CAMKMT: variants seen among roughly 807,000 people sequenced by gnomAD.
CAMKMT encodes the protein CaM KMT.
A neutral mutation model predicts 48.0 loss-of-function variants in CAMKMT; 53 were observed. The ratio of observed to expected loss-of-function variants is 1.10; its 90% CI spans 0.89 to 1.39. The LOEUF (loss-of-function observed/expected upper bound fraction) is 1.39. Ranked by LOEUF, CAMKMT falls within the 40% of genes most tolerant of loss-of-function variation. CAMKMT has a pLI of 0.00. For synonymous variants in CAMKMT, 165 were observed against 152.3 expected (o/e 1.08, Z -0.61); for missense variants, 428 against 402.7 (o/e 1.06, Z -0.54).
intron 3 of CAMKMT, chr2:44,550,530 G>A (rs952508726): frequency 2.0e-5 from 3 of 152,056 alleles, no homozygotes; most frequent in African/African-American, 7.2e-5. Flanking sequence ...TACTAGTATA[G>A]AATTAAATGT....
intron 3 of CAMKMT, among the ~76,000 whole-genome samples, chr2:44,606,810 C>CCG (rs938624383): frequency 7.1e-6 from 1 of 139,892 alleles, no homozygotes; most frequent in East Asian, 2.1e-4. Context: ...TTAATGTGAC[C>CCG]CCCCCCCCAC....
intron 4 of CAMKMT, 88 bp downstream of exon 4, chr2:44,704,431 T>A: frequency 2.3e-6 from 2 of 868,790 alleles, no homozygotes; most frequent in Non-Finnish European, 3.4e-6. Context: ...TTCTTCAAAT[T>A]AAATTGTTAG....
chr2:44,578,439 T>C (rs2103764463), intron 3 of CAMKMT, among the ~76,000 whole-genome samples: 1 of 152,280 alleles, frequency 6.6e-6, no homozygotes, highest in Non-Finnish European at 1.5e-5. Flanking sequence ...AGAAAAACCC[T>C]TATTTGAGTG....
intron 3 of CAMKMT, among the ~76,000 whole-genome samples, chr2:44,477,030 A>G (rs1280571708): frequency 6.6e-6 from 1 of 152,178 alleles, no homozygotes; most frequent in African/African-American, 2.4e-5. Context: ...CATCATTACT[A>G]TGAGGATATA....
chr2:44,464,958 C>G (rs2104630742), intron 3 of CAMKMT, among the ~76,000 whole-genome samples: 1 of 152,158 alleles, frequency 6.6e-6, no homozygotes, highest in East Asian at 1.9e-4. Context: ...TTATGAAGTG[C>G]ATAAATCACT....
intron 3 of CAMKMT, among the ~76,000 whole-genome samples, chr2:44,424,491 A>G (rs947832691): frequency 5.3e-5 from 8 of 152,184 alleles, no homozygotes; most frequent in African/African-American, 1.9e-4. Context: ...AGGTTTCACA[A>G]TGTTTCCTCA....
chr2:44,565,229 T>G (rs1276260291), intron 3 of CAMKMT, among the ~76,000 whole-genome samples: 1 of 152,138 alleles, frequency 6.6e-6, no homozygotes, highest in Non-Finnish European at 1.5e-5. Flanking sequence ...TCCATATACA[T>G]TTGATCTATA....
chr2:44,425,979 C>T (rs1329984314), intron 3 of CAMKMT, among the ~76,000 whole-genome samples: 1 of 152,180 alleles, frequency 6.6e-6, no homozygotes, highest in Non-Finnish European at 1.5e-5. Flanking sequence ...GATCCACCCG[C>T]CTTGGCCTCC....
intron 3 of CAMKMT, among the ~76,000 whole-genome samples, chr2:44,471,838 G>A (rs982543558): frequency 6.6e-6 from 1 of 151,730 alleles, no homozygotes; most frequent in Admixed American, 6.6e-5. Context: ...GCACCACCAC[G>A]CCTGGGTAAT....
chr2:44,744,983 A>C (rs71422108), intron 8 of CAMKMT, among the ~76,000 whole-genome samples: 29 of 152,140 alleles, frequency 1.9e-4, no homozygotes, highest in Non-Finnish European at 3.8e-4. Flanking sequence ...CATCTAATCA[A>C]AAATAAGGAG....
At chr2:44,692,853 C>G (rs1167604569) in intron 3 of CAMKMT, among the ~76,000 whole-genome samples, 1 of 152,102 alleles carries the variant, frequency 6.6e-6, no homozygotes, top group East Asian at 1.9e-4. Context: ...AGTGGCAGAG[C>G]CAGAATCAGA....
intron 3 of CAMKMT, among the ~76,000 whole-genome samples, chr2:44,595,451 C>A (rs936476222): frequency 4.6e-5 from 7 of 152,116 alleles, no homozygotes; most frequent in Non-Finnish European, 1.0e-4. Context: ...CTTATAAGGA[C>A]CTCTTCAAGG....
rs141017634 is a variant in CAMKMT at position 44,384,500 on chromosome 2, C to CTT, written c.312-5722_312-5721dup. 7.3e-3 allele frequency among the ~76,000 whole-genome samples: 700 copies of CTT among 95,790 alleles called. 6 individuals are homozygous for CTT. The highest frequency in any genetic ancestry group is 0.022 in the African/African-American group (641 of 29,500). The allele number at this position is 95,790 out of a possible 152,430, so 62.8% of individuals were successfully genotyped here. A position where few individuals can be genotyped will look rare whatever the true frequency, so the allele number is the denominator to read the frequency against. ...GTTTAATTAGATCTCAGCTATTTATCTTTTTTTTTTTTTTTTTTTTGCATT... is the reference window on the plus strand; with the variant it reads ...GTTTAATTAGATCTCAGCTATTTATCTTTTTTTTTTTTTTTTTTTTTTGCATT... On this transcript the variant is annotated intron_variant, in intron 2 of 10. Transcript: ENST00000378494.
intron 3 of CAMKMT, among the ~76,000 whole-genome samples, chr2:44,547,250 G>C (rs1667458705): frequency 6.6e-6 from 1 of 152,190 alleles, no homozygotes; most frequent in African/African-American, 2.4e-5. Flanking sequence ...TTGGAAATAA[G>C]CTCAGCAGAA....
intron 1 of CAMKMT, among the ~76,000 whole-genome samples, chr2:44,368,180 G>GA (rs1048627671): frequency 1.4e-4 from 21 of 152,192 alleles, no homozygotes; most frequent in African/African-American, 5.1e-4. Flanking sequence ...AGGAGAATGA[G>GA]AAAATGCCTT....
rs866390271 is a variant in CAMKMT, at chr2:44,587,692, G to T, written c.377-116591G>T. ...GACGGGGTTTTGCTGTGTTGGCCGGGCTGGTCTCAGCTCCTGACCGCGAGT... is the reference window on the plus strand; with the variant it reads ...GACGGGGTTTTGCTGTGTTGGCCGGTCTGGTCTCAGCTCCTGACCGCGAGT... On this transcript the variant is annotated intron_variant, in intron 3 of 10. Transcript: ENST00000378494. Among the ~76,000 whole-genome samples the T allele has an allele frequency of 6.2e-4, 80 of 129,730 alleles. 1 individual carries two copies. In the Middle Eastern group the frequency reaches 0.011, roughly 18 times the overall value. 85.1% of individuals were successfully genotyped at this position (129,730 alleles called of 152,430 possible).
rs530995049 is a variant in CAMKMT, at chr2:44,455,644, C to T, written c.376+65339C>T. Among the ~76,000 whole-genome samples the T allele has an allele frequency of 3.3e-4, 51 of 152,302 alleles. 1 individual carries two copies. The highest frequency in any genetic ancestry group is 1.2e-3 in the African/African-American group (48 of 41,566). ...GACTGCCTGGGCTTAAGCCCTATCACTAGCTGTGTAACTTTGACCAAGTTA... is the reference window on the plus strand; with the variant it reads ...GACTGCCTGGGCTTAAGCCCTATCATTAGCTGTGTAACTTTGACCAAGTTA... On this transcript the variant is annotated intron_variant, in intron 3 of 10. Transcript: ENST00000378494.
At chr2:44,471,080 C>T (rs905336479) in intron 3 of CAMKMT, among the ~76,000 whole-genome samples, 4 of 150,460 alleles carry the variant, frequency 2.7e-5, no homozygotes, top group South Asian at 2.1e-4. Context: ...CTGCAACCTC[C>T]GCCTTCCGAT....
At chr2:44,558,418 A>C (rs1270133314) in intron 3 of CAMKMT, among the ~76,000 whole-genome samples, 1 of 152,150 alleles carries the variant, frequency 6.6e-6, no homozygotes, top group Non-Finnish European at 1.5e-5. Flanking sequence ...CGGGTGGACC[A>C]ATTTACATAT....
Sources: gnomAD v4.1 joint callset for allele counts (sites outside exome capture counted in the v4.1 genomes callset) on GRCh38, gnomAD v4.1.1 for gene constraint, MANE v1.5 for transcripts, NCBI Gene and HGNC (gene_info 2026-07-23, HGNC 2026-07-21) for gene names.